Variants in PLPP4 observed in about 807,000 individuals in gnomAD.
The protein encoded by PLPP4 is phospholipid phosphatase 4, also known as diacylglycerol pyrophosphate like 2.
Under a neutral mutation model 32.2 loss-of-function variants are expected in PLPP4, and 20 were observed. The ratio of observed to expected loss-of-function variants is 0.62; its 90% CI spans 0.44 to 0.90. The LOEUF (loss-of-function observed/expected upper bound fraction) is 0.90, where lower values mean the gene tolerates loss of function less well. Ranked by LOEUF, PLPP4 falls within the 40% of genes least tolerant of loss-of-function variation. The pLI is 0.00. For synonymous variants in PLPP4, 127 were observed against 133.0 expected (o/e 0.95, Z 0.31); for missense variants, 257 against 353.1 (o/e 0.73, Z 2.18).
chr10:120,537,885 G>T (rs776803178), intron 5 of PLPP4, among the ~76,000 whole-genome samples: 1 of 151,358 alleles, frequency 6.6e-6, no homozygotes, highest in East Asian at 1.9e-4. Flanking sequence ...GCACTGTTCC[G>T]CATTCCCTTT....
At chr10:120,473,495 G>T (rs1843755023) in intron 1 of PLPP4, among the ~76,000 whole-genome samples, 1 of 152,034 alleles carries the variant, frequency 6.6e-6, no homozygotes, top group South Asian at 2.1e-4. Flanking sequence ...TTCCACTGGG[G>T]TTCTTGTAGT....
intron 5 of PLPP4, among the ~76,000 whole-genome samples, chr10:120,543,560 A>C (rs1314572830): frequency 6.6e-6 from 1 of 152,204 alleles, no homozygotes; most frequent in African/African-American, 2.4e-5. Flanking sequence ...CTTGTCCATG[A>C]GGGACAGAGG....
chr10:120,507,995 C>T (rs979025133), intron 2 of PLPP4, among the ~76,000 whole-genome samples: 1 of 152,142 alleles, frequency 6.6e-6, no homozygotes, highest in Non-Finnish European at 1.5e-5. Flanking sequence ...CAAATTTTTT[C>T]CTTGGCTTCC....
chr10:120,551,178 A>G (rs1046086257), intron 5 of PLPP4, among the ~76,000 whole-genome samples: 1 of 152,204 alleles, frequency 6.6e-6, no homozygotes, highest in Non-Finnish European at 1.5e-5. Flanking sequence ...AATACAAATT[A>G]AAATCACTTC....
At chr10:120,543,770 A>G (rs1847473879) in intron 5 of PLPP4, among the ~76,000 whole-genome samples, 1 of 152,028 alleles carries the variant, frequency 6.6e-6, no homozygotes, top group Admixed American at 6.6e-5. Flanking sequence ...CTGACTCCCC[A>G]TTCCCCTTCG....
intron 6 of PLPP4, among the ~76,000 whole-genome samples, chr10:120,580,121 A>G (rs1849425455): frequency 1.2e-5 from 1 of 85,090 alleles, no homozygotes; most frequent in Non-Finnish European, 2.5e-5. Flanking sequence ...CTCTCAAAAA[A>G]AAAAAAAAAA....
chr10:120,567,622 T>C (rs1347614767), intron 5 of PLPP4, among the ~76,000 whole-genome samples: 1 of 152,220 alleles, frequency 6.6e-6, no homozygotes, highest in Non-Finnish European at 1.5e-5. Flanking sequence ...GGACACTATC[T>C]TGAGGGAGAT....
chr10:120,529,949 TCAAACAAA>T (rs1302903197), intron 5 of PLPP4, among the ~76,000 whole-genome samples: 1 of 152,112 alleles, frequency 6.6e-6, no homozygotes, highest in Non-Finnish European at 1.5e-5. Context: ...AAGACCTGTC[TCAAACAAA>T]CAAACAAAAA....
At chr10:120,565,452 A>G (rs1453180338) in intron 5 of PLPP4, among the ~76,000 whole-genome samples, 2 of 151,990 alleles carry the variant, frequency 1.3e-5, no homozygotes, top group African/African-American at 4.8e-5. Context: ...CTAGTTTGAC[A>G]GTTACTCTTT....
intron 5 of PLPP4, among the ~76,000 whole-genome samples, chr10:120,555,806 G>A (rs1194862224): frequency 1.3e-5 from 2 of 152,218 alleles, no homozygotes; most frequent in African/African-American, 4.8e-5. Context: ...CCTCCTGGGT[G>A]CCAGGCACAA....
At position 120,589,674 on chromosome 10, in the gene PLPP4, C is replaced by A; in HGVS notation, c.*172C>A. On this transcript the variant is annotated 3_prime_UTR_variant, in exon 7 of 7. Transcript: ENST00000398250. ...TTCCTGCTACTTTAAATGTCTACTT[C>A]CAACATCCTTGAATTTGCAAGTGAA... 1.7e-6 allele frequency: 1 copy of A among 591,684 alleles called. No homozygotes were observed. 36.7% of individuals were successfully genotyped at this position (591,684 alleles called of 1,614,324 possible). A position where few individuals can be genotyped will look rare whatever the true frequency, so the allele number is the denominator to read the frequency against.
At chr10:120,463,450 T>C (rs903779898) in intron 1 of PLPP4, among the ~76,000 whole-genome samples, 5 of 152,234 alleles carry the variant, frequency 3.3e-5, no homozygotes, top group Non-Finnish European at 7.3e-5. Flanking sequence ...GCCTTCAATC[T>C]CTGAACCTCA....
At chr10:120,474,092 C>T (rs957795663) in intron 1 of PLPP4, among the ~76,000 whole-genome samples, 14 of 152,008 alleles carry the variant, frequency 9.2e-5, no homozygotes, top group Non-Finnish European at 1.3e-4. Context: ...CTCTTTGAAG[C>T]TCTTCAACCT....
chr10:120,515,357 T>A (rs1389820996), intron 3 of PLPP4, among the ~76,000 whole-genome samples: 2 of 152,174 alleles, frequency 1.3e-5, no homozygotes, highest in Admixed American at 1.3e-4. Context: ...GCCTCAACTT[T>A]GTTTCTGCTG....
intron 5 of PLPP4, among the ~76,000 whole-genome samples, chr10:120,523,660 C>T (rs1303839500): frequency 6.6e-6 from 1 of 152,144 alleles, no homozygotes; most frequent in East Asian, 1.9e-4. Flanking sequence ...TTCTTCTCTT[C>T]CTTCTTTCAT....
chr10:120,482,043 G>A (rs1844229880), intron 1 of PLPP4, among the ~76,000 whole-genome samples: 1 of 152,178 alleles, frequency 6.6e-6, no homozygotes, highest in South Asian at 2.1e-4. Context: ...ACGTGGAACT[G>A]TAAGCCCATA....
In PLPP4 at chr10:120,574,804, A is replaced by G. The variant is rs151333322; in HGVS notation, c.446-327A>G. Among the ~76,000 whole-genome samples, 995 of 152,370 alleles carry G rather than the reference A, an allele frequency of 6.5e-3. 9 individuals are homozygous for G. Among genetic ancestry groups the G allele is most frequent in the African/African-American group, 0.023 (958 of 41,588 alleles). ...ACTAGACCATGAGCCTCTTGACTCC[A>G]GAGATAGTATCTGATGCATCTTTTT... On this transcript the variant is annotated intron_variant, in intron 5 of 6. Coordinates refer to ENST00000398250, the MANE Select transcript of PLPP4 (RefSeq NM_001030059.3).
intron 1 of PLPP4, among the ~76,000 whole-genome samples, chr10:120,476,850 A>C (rs1589729518): frequency 6.6e-6 from 1 of 152,160 alleles, no homozygotes; most frequent in Admixed American, 6.5e-5. Context: ...CCACAAATGT[A>C]AGCCCTTACA....
intron 6 of PLPP4, among the ~76,000 whole-genome samples, chr10:120,576,288 C>T (rs1199023434): frequency 1.3e-5 from 2 of 152,192 alleles, no homozygotes; most frequent in African/African-American, 2.4e-5. Flanking sequence ...TGACCCAAAC[C>T]TCCTCTCCCT....
Sources: gnomAD v4.1 joint callset for allele counts (sites outside exome capture counted in the v4.1 genomes callset) on GRCh38, gnomAD v4.1.1 for gene constraint, MANE v1.5 for transcripts, NCBI Gene and HGNC (gene_info 2026-07-23, HGNC 2026-07-21) for gene names.